PHF20: variants seen among roughly 807,000 people sequenced by gnomAD.
PHF20 encodes the protein PHD finger protein 20.
PHF20 carries 23 observed loss-of-function variants against 113.5 expected under a neutral mutation model. The ratio of observed to expected loss-of-function variants is 0.20; its 90% CI spans 0.15 to 0.29. The LOEUF is 0.29. Among genes scored for constraint, PHF20 ranks in the 10% least tolerant of loss-of-function variants. The pLI is 1.00. For synonymous variants in PHF20, 434 were observed against 457.3 expected (o/e 0.95, Z 0.65); for missense variants, 943 against 1,219.6 (o/e 0.77, Z 3.38).
intron 13 of PHF20, among the ~76,000 whole-genome samples, chr20:35,925,839 T>C (rs762617183): frequency 1.1e-4 from 16 of 151,946 alleles, no homozygotes; most frequent in Non-Finnish European, 1.5e-4. Context: ...AAAGTTATCA[T>C]TGGCCAGGCG....
chr20:35,935,517 C>T (rs2055847686), intron 15 of PHF20, among the ~76,000 whole-genome samples: 1 of 152,186 alleles, frequency 6.6e-6, no homozygotes. Flanking sequence ...CAGGCATGTA[C>T]CACCGCACCT....
intron 2 of PHF20, among the ~76,000 whole-genome samples, chr20:35,820,302 G>C (rs2042145397): frequency 6.6e-6 from 1 of 152,170 alleles, no homozygotes; most frequent in Admixed American, 6.6e-5. Flanking sequence ...CTAGATGCTG[G>C]AGAAATAGTG....
chr20:35,808,923 T>C (rs920295076), intron 2 of PHF20, among the ~76,000 whole-genome samples: 7 of 151,826 alleles, frequency 4.6e-5, no homozygotes, highest in African/African-American at 1.7e-4. Context: ...GAAAACGTTA[T>C]GGCCATCTTG....
At chr20:35,874,720 CTTT>C (rs969952734) in intron 9 of PHF20, among the ~76,000 whole-genome samples, 6 of 151,694 alleles carry the variant, frequency 4.0e-5, no homozygotes, top group African/African-American at 1.5e-4. Flanking sequence ...GAATTGTCTA[CTTT>C]TTATTTGGAT....
intron 1 of PHF20, among the ~76,000 whole-genome samples, chr20:35,784,433 CTTTTTT>C (rs35002007): frequency 8.1e-4 from 89 of 110,536 alleles, no homozygotes; most frequent in Non-Finnish European, 1.3e-3. Flanking sequence ...ATCCCAAAGA[CTTTTTT>C]TTTTTTTTTT....
intron 2 of PHF20, among the ~76,000 whole-genome samples, chr20:35,805,354 T>TTTTTTATTA (rs1555918351): frequency 2.2e-4 from 27 of 125,190 alleles, no homozygotes; most frequent in African/African-American, 8.1e-4. Flanking sequence ...CGCCTGATTT[T>TTTTTTATTA]TTATTATTAT....
At chr20:35,895,095 C>T (rs1360483680) in intron 9 of PHF20, among the ~76,000 whole-genome samples, 1 of 152,074 alleles carries the variant, frequency 6.6e-6, no homozygotes, top group Non-Finnish European at 1.5e-5. Context: ...GTGATCTTGA[C>T]CCACTGCAAC....
intron 7 of PHF20, 93 bp downstream of exon 7, chr20:35,869,644 T>A: frequency 1.3e-6 from 1 of 747,686 alleles, no homozygotes; most frequent in Non-Finnish European, 2.4e-6. Context: ...CCCTATAGGC[T>A]CTAATGTTTG....
intron 10 of PHF20, among the ~76,000 whole-genome samples, chr20:35,908,229 G>A (rs2055235473): frequency 6.6e-6 from 1 of 152,320 alleles, no homozygotes; most frequent in South Asian, 2.1e-4. Context: ...GCAGTCTGGG[G>A]ATTTCTGCCT....
intron 2 of PHF20, among the ~76,000 whole-genome samples, chr20:35,833,834 C>T (rs1380548910): frequency 6.6e-6 from 1 of 151,982 alleles, no homozygotes; most frequent in Non-Finnish European, 1.5e-5. Context: ...CTGAGGCGGG[C>T]AGATCACGAA....
At chr20:35,836,244 T>G (rs185244662) in intron 2 of PHF20, among the ~76,000 whole-genome samples, 36 of 152,200 alleles carry the variant, frequency 2.4e-4, no homozygotes, top group African/African-American at 8.4e-4. Context: ...CTCAAACTCC[T>G]GGCTTCAAAG....
intron 1 of PHF20, among the ~76,000 whole-genome samples, chr20:35,775,420 A>G (rs2041152246): frequency 1.3e-5 from 2 of 152,028 alleles, no homozygotes; most frequent in Admixed American, 1.3e-4. Context: ...CCCCTTTATT[A>G]GTTATACTCA....
intron 2 of PHF20, 100 bp downstream of exon 2, chr20:35,801,705 C>T (rs2041784858): frequency 2.9e-6 from 2 of 695,624 alleles, no homozygotes; most frequent in East Asian, 2.7e-5. Context: ...TGTTTTTCTA[C>T]TTCCTGACTC....
chr20:35,869,328 A>G (rs1253424122), intron 6 of PHF20, 110 bp from the exon 7 acceptor site: 2 of 527,738 alleles, frequency 3.8e-6, no homozygotes, highest in Non-Finnish European at 6.5e-6. Context: ...CCCATTTATA[A>G]TGCAGTGATT....
At position 35,855,521 on chromosome 20, in the gene PHF20, G is replaced by A. The variant is rs79989570; in HGVS notation, c.341-2781G>A. The A allele has an allele frequency of 8.4e-3, 1,296 of 153,852 alleles. 14 individuals are homozygous for A. The highest frequency in any genetic ancestry group is 0.029 in the African/African-American group (1,204 of 41,230). The allele number at this position is 153,852 out of a possible 1,614,324, so 9.5% of individuals were successfully genotyped here. ...TTTTAAAAATTTTTAATTTTTGTGGGTACATAAGTGGGTGTATGTATTTAT... is the reference window on the plus strand; with the variant it reads ...TTTTAAAAATTTTTAATTTTTGTGGATACATAAGTGGGTGTATGTATTTAT... On this transcript the variant is annotated intron_variant, in intron 4 of 17. Coordinates refer to ENST00000374012, the MANE Select transcript of PHF20 (RefSeq NM_016436.5).
chr20:35,921,694 C>T (rs1169015087), intron 13 of PHF20, among the ~76,000 whole-genome samples: 3 of 150,134 alleles, frequency 2.0e-5, no homozygotes, highest in South Asian at 2.1e-4. Flanking sequence ...CACCCTCCCC[C>T]CCAAAAAAAA....
Position 35,863,381 on chromosome 20 carries a change from C to G in PHF20, c.789C>G (p.Pro263=). 1 of 1,603,980 alleles carries G rather than the reference C, an allele frequency of 6.2e-7. No homozygotes were observed. The highest frequency in any genetic ancestry group is 8.5e-7 in the Non-Finnish European group (1 of 1,177,020). The change falls in exon 6 of 18, where the codon CCC becomes CCG. Residue 263 remains proline, a synonymous_variant. Coordinates refer to ENST00000374012, the MANE Select transcript of PHF20 (RefSeq NM_016436.5). ...LREPKRKRGR[P]PSIAPTAVDS... is the part of the protein sequence containing the mutation. Reference sequence around the variant, plus strand: ...AACCCAAAAGAAAACGAGGCAGACCCCCTTCCATAGCTCCTACTGGTGAGT... The same window carrying G: ...AACCCAAAAGAAAACGAGGCAGACCGCCTTCCATAGCTCCTACTGGTGAGT...
At chr20:35,823,513 A>G (rs999078330) in intron 2 of PHF20, among the ~76,000 whole-genome samples, 1 of 150,212 alleles carries the variant, frequency 6.7e-6, no homozygotes, top group Non-Finnish European at 1.5e-5. Flanking sequence ...AGTTTTAGCT[A>G]CTCAGGAGGC....
intron 2 of PHF20, among the ~76,000 whole-genome samples, chr20:35,804,012 A>G (rs2041835142): frequency 6.6e-6 from 1 of 151,710 alleles, no homozygotes; most frequent in Admixed American, 6.6e-5. Flanking sequence ...ACTTCTGTAT[A>G]GAGTTTTATT....
Sources: allele counts gnomAD v4.1 joint callset (sites outside exome capture counted in the v4.1 genomes callset), GRCh38; gene constraint gnomAD v4.1.1; transcripts MANE v1.5; gene names NCBI Gene and HGNC (gene_info 2026-07-23, HGNC 2026-07-21).